CNOT9: variants seen among roughly 807,000 people sequenced by gnomAD.
The protein encoded by CNOT9 is RCD1 required for cell differentiation1 homolog.
In CNOT9, 8 loss-of-function variants were observed where a neutral mutation model predicts 37.4. The observed-to-expected ratio is 0.21, with a 90% confidence interval of 0.13 to 0.39. The LOEUF (loss-of-function observed/expected upper bound fraction) is 0.39. Ranked by LOEUF, CNOT9 falls within the 10% of genes least tolerant of loss-of-function variation. The pLI is 1.00. For synonymous variants in CNOT9, 120 were observed against 137.6 expected (o/e 0.87, Z 0.90); for missense variants, 154 against 365.3 (o/e 0.42, Z 4.71).
chr2:218,568,930 G>C lies in CNOT9; in HGVS notation c.-25G>C. On this transcript the variant is annotated 5_prime_UTR_variant, in exon 1 of 8. Coordinates refer to ENST00000273064, the MANE Select transcript of CNOT9 (RefSeq NM_005444.3). ...CGCGGGTCGGACGCGTCCGGCTGTG[G>C]AAGAGAGCGGCGGCCGCTCACAACA... 1 of 1,607,752 alleles carries C rather than the reference G, an allele frequency of 6.2e-7. No homozygotes were observed. The highest frequency in any genetic ancestry group is 8.5e-7 in the Non-Finnish European group (1 of 1,177,046).
intron 1 of CNOT9, chr2:218,573,847 A>G (rs976431273): frequency 9.1e-5 from 23 of 253,958 alleles, no homozygotes; most frequent in African/African-American, 4.2e-4. Context: ...GTCATTTGAA[A>G]TACATTTTCC....
chr2:218,569,113 C>T (rs1042646175), intron 1 of CNOT9, 135 bp downstream of exon 1: 15 of 913,476 alleles, frequency 1.6e-5, no homozygotes, highest in Non-Finnish European at 2.3e-5. Context: ...CCCGGTTCCC[C>T]TCCTCGGCAC....
At chr2:218,585,743 A>C (rs1694572908) in intron 4 of CNOT9, among the ~76,000 whole-genome samples, 1 of 151,654 alleles carries the variant, frequency 6.6e-6, no homozygotes, top group African/African-American at 2.4e-5. Context: ...GGATCACACA[A>C]ATCCACCCAC....
At chr2:218,577,163 A>G (rs538965112) in intron 1 of CNOT9, among the ~76,000 whole-genome samples, 59 of 152,294 alleles carry the variant, frequency 3.9e-4, no homozygotes, top group African/African-American at 1.4e-3. Context: ...GCTGGTAAAT[A>G]TAAGTATTTA....
chr2:218,582,963 T>C lies in CNOT9; in HGVS notation c.205-8T>C. On this transcript the variant is annotated splice_polypyrimidine_tract_variant and splice_region_variant and intron_variant, in intron 2 of 7. Transcript: ENST00000273064. ...CTTATTCATCTGATGCTGATTTCCA[T>C]TTTTTAGGAAATTGTAAATATTTAT... The C allele has an allele frequency of 1.3e-6, 2 of 1,531,792 alleles. No homozygotes were observed. The highest frequency in any genetic ancestry group is 9.0e-7 in the Non-Finnish European group (1 of 1,107,060). The allele number at this position is 1,531,792 out of a possible 1,614,324, so 94.9% of individuals were successfully genotyped here.
chr2:218,590,778 A>G (rs776242093), intron 5 of CNOT9, among the ~76,000 whole-genome samples: 11 of 149,874 alleles, frequency 7.3e-5, no homozygotes, highest in Non-Finnish European at 1.5e-4. Flanking sequence ...TTTGTGGTAA[A>G]ATCTCTCCCT....
chr2:218,580,859 T>C (rs1453983989), intron 2 of CNOT9, 119 bp downstream of exon 2: 1 of 924,066 alleles, frequency 1.1e-6, no homozygotes, highest in Non-Finnish European at 1.7e-6. Flanking sequence ...ACTGCATTTG[T>C]AAGAATCTGT....
rs1228135392 is a variant in CNOT9, at chr2:218,596,080, C to T, written c.*1804C>T. ...GATCTGGAGAGTCCAGTTAAGGTAACCCAGATTTTTGACAACCGCCTTCCT... is the reference window on the plus strand; with the variant it reads ...GATCTGGAGAGTCCAGTTAAGGTAATCCAGATTTTTGACAACCGCCTTCCT... On this transcript the variant is annotated 3_prime_UTR_variant, in exon 8 of 8. Coordinates refer to ENST00000273064, the MANE Select transcript of CNOT9 (RefSeq NM_005444.3). The T allele has an allele frequency of 3.3e-5, 5 of 152,172 alleles. No homozygotes were observed. Among genetic ancestry groups the T allele is most frequent in the Admixed American group, 1.3e-4 (2 of 15,256 alleles). The allele number at this position is 152,172 out of a possible 1,614,324, so 9.4% of individuals were successfully genotyped here.
At chr2:218,590,987 G>T (rs1014160476) in intron 5 of CNOT9, among the ~76,000 whole-genome samples, 1 of 152,072 alleles carries the variant, frequency 6.6e-6, no homozygotes, top group African/African-American at 2.4e-5. Flanking sequence ...CACTTTGCCT[G>T]GCCTTCTCTA....
Position 218,592,173 on chromosome 2 carries a change from T to G in CNOT9, c.541-131T>G. 1.5e-6 allele frequency: 1 copy of G among 660,698 alleles called. No homozygotes were observed. Among genetic ancestry groups the G allele is most frequent in the East Asian group, 2.6e-5 (1 of 38,244 alleles). 40.9% of individuals were successfully genotyped at this position (660,698 alleles called of 1,614,324 possible). A position where few individuals can be genotyped will look rare whatever the true frequency, so the allele number is the denominator to read the frequency against. ...TTTGTACTATACATATATGATAAAGTTGTACATAATATACAAGGATCCCTG... is the reference window on the plus strand; with the variant it reads ...TTTGTACTATACATATATGATAAAGGTGTACATAATATACAAGGATCCCTG... On this transcript the variant is annotated intron_variant, in intron 5 of 7. Transcript: ENST00000273064. The surrounding 1 kb of genome is among the most constrained non-coding windows in gnomAD (Gnocchi z 4.1).
At chr2:218,583,221 GTGTGTGTGTGTGTCTCTCTC>G (rs1294656215) in intron 3 of CNOT9, 135 bp downstream of exon 3, 115 of 378,232 alleles carry the variant, frequency 3.0e-4, no homozygotes, top group South Asian at 1.2e-3. Context: ...GTGTGTGTGT[GTGTGTGTGTGTGTCTCTCTC>G]TCTCTCTCTC....
intron 4 of CNOT9, among the ~76,000 whole-genome samples, chr2:218,585,154 T>A (rs1694546246): frequency 6.6e-6 from 1 of 152,118 alleles, no homozygotes; most frequent in Admixed American, 6.6e-5. Flanking sequence ...ACTCCTAGGC[T>A]CAAGTGATCC....
intron 2 of CNOT9, 39 bp downstream of exon 2, chr2:218,580,779 A>T: frequency 6.4e-7 from 1 of 1,553,996 alleles, no homozygotes; most frequent in East Asian, 2.2e-5. Flanking sequence ...AGTTCTTTTC[A>T]TTACACTTGT....
At chr2:218,572,663 C>T (rs1044723111) in intron 1 of CNOT9, 2 of 984,900 alleles carry the variant, frequency 2.0e-6, no homozygotes, top group Non-Finnish European at 2.4e-6. Context: ...TCTTTGCATG[C>T]CATAGGTATT....
At chr2:218,593,642 G>A (rs1694849997) in intron 7 of CNOT9, 2 of 1,370,416 alleles carry the variant, frequency 1.5e-6, no homozygotes, top group Non-Finnish European at 1.9e-6. Context: ...TCTTATTAAG[G>A]TTTTTAACCA....
At chr2:218,569,705 T>C (rs1340607160) in intron 1 of CNOT9, among the ~76,000 whole-genome samples, 1 of 152,204 alleles carries the variant, frequency 6.6e-6, no homozygotes, top group Non-Finnish European at 1.5e-5. Context: ...CACCTAACCC[T>C]CTGCAACGCG....
chr2:218,569,024 A>G lies in CNOT9; in HGVS notation c.24+46A>G, dbSNP rs772425722. On this transcript the variant is annotated intron_variant, in intron 1 of 7. Transcript: ENST00000273064. Reference sequence around the variant, plus strand: ...GCTTGGAACCAGAATCCTTTCTCAGACCCACGTTTCGGCCTTCTCTCCTAA... The same window carrying G: ...GCTTGGAACCAGAATCCTTTCTCAGGCCCACGTTTCGGCCTTCTCTCCTAA... 2.5e-6 allele frequency: 4 copies of G among 1,604,924 alleles called. No homozygotes were observed. In the East Asian group the frequency reaches 9.1e-5, roughly 36 times the overall value.
At chr2:218,585,281 A>G (rs1694551263) in intron 4 of CNOT9, among the ~76,000 whole-genome samples, 1 of 152,140 alleles carries the variant, frequency 6.6e-6, no homozygotes, top group South Asian at 2.1e-4. Flanking sequence ...GAAATGCCCT[A>G]AGAATATGCA....
In CNOT9 at chr2:218,592,551, C is replaced by A; in HGVS notation, c.640-65C>A. The A allele has an allele frequency of 1.3e-6, 2 of 1,543,542 alleles. No individual in the cohort carries two copies. Among genetic ancestry groups the A allele is most frequent in the South Asian group, 1.1e-5 (1 of 89,692 alleles). On this transcript the variant is annotated intron_variant, in intron 6 of 7. Transcript: ENST00000273064. This position sits in a 1 kb window ranked among gnomAD's most constrained non-coding sequence, Gnocchi z 4.1. ...TCTTGGACTATCTGATCTCTGATGTCAATTAGAATTTGTTTGTGTTTTGTG... is the reference window on the plus strand; with the variant it reads ...TCTTGGACTATCTGATCTCTGATGTAAATTAGAATTTGTTTGTGTTTTGTG...
Sources: allele counts gnomAD v4.1 joint callset (sites outside exome capture counted in the v4.1 genomes callset), GRCh38; gene constraint gnomAD v4.1.1; non-coding constraint Gnocchi (gnomAD v3.1); transcripts MANE v1.5; gene names NCBI Gene and HGNC (gene_info 2026-07-23, HGNC 2026-07-21).